Variants in PHF21B observed in about 807,000 individuals in gnomAD.
The protein encoded by PHF21B is PHD finger protein 4.
A neutral mutation model predicts 62.2 loss-of-function variants in PHF21B; 22 were observed. That is an observed-to-expected ratio of 0.35 (90% CI 0.25 to 0.51). PHF21B has a LOEUF of 0.51. Among genes scored for constraint, PHF21B ranks in the 20% least tolerant of loss-of-function variants. PHF21B has a pLI of 0.97. For missense variants in PHF21B, 701 were observed against 707.9 expected (o/e 0.99, Z 0.11); for synonymous variants, 341 against 314.7 (o/e 1.08, Z -0.88).
intron 2 of PHF21B, among the ~76,000 whole-genome samples, chr22:44,923,044 A>G (rs2071565405): frequency 6.6e-6 from 1 of 152,122 alleles, no homozygotes; most frequent in Non-Finnish European, 1.5e-5. Context: ...AAAAATAACA[A>G]CCAAACAAAG....
chr22:44,946,495 T>C (rs16993191), intron 2 of PHF21B, among the ~76,000 whole-genome samples: 10,382 of 151,948 alleles, frequency 0.068, 412 homozygotes, highest in Middle Eastern at 0.14. Context: ...CGGAAAGTCC[T>C]GTTATTATGG....
At chr22:44,920,049 A>G (rs2071506963) in intron 3 of PHF21B, among the ~76,000 whole-genome samples, 1 of 108,254 alleles carries the variant, frequency 9.2e-6, no homozygotes, top group South Asian at 2.9e-4. Context: ...TCAAAAATAC[A>G]CACGACGGAG....
intron 2 of PHF21B, among the ~76,000 whole-genome samples, chr22:44,980,219 G>C (rs995597646): frequency 1.3e-5 from 2 of 152,148 alleles, no homozygotes; most frequent in Non-Finnish European, 2.9e-5. Flanking sequence ...AGGAGCACTG[G>C]TTTCTTTCTG....
intron 2 of PHF21B, among the ~76,000 whole-genome samples, chr22:44,982,722 A>T (rs2072865349): frequency 6.6e-6 from 1 of 152,226 alleles, no homozygotes; most frequent in Admixed American, 6.5e-5. Flanking sequence ...AGGTTTACAG[A>T]GGGCATTTAA....
intron 2 of PHF21B, among the ~76,000 whole-genome samples, chr22:44,971,641 G>GCT (rs1004447020): frequency 1.3e-5 from 2 of 152,064 alleles, no homozygotes; most frequent in African/African-American, 2.4e-5. Context: ...CCCTTGGGCG[G>GCT]CTCTCTCTCT....
At chr22:44,974,691 G>A (rs908298269) in intron 2 of PHF21B, among the ~76,000 whole-genome samples, 1 of 152,166 alleles carries the variant, frequency 6.6e-6, no homozygotes, top group South Asian at 2.1e-4. Flanking sequence ...ACCAGAAATT[G>A]GAGGAGAAAG....
intron 2 of PHF21B, among the ~76,000 whole-genome samples, chr22:44,979,677 C>T (rs539202647): frequency 2.6e-5 from 4 of 152,330 alleles, no homozygotes; most frequent in African/African-American, 9.6e-5. Flanking sequence ...CATTTACCGG[C>T]TGTGTGTGCT....
At chr22:44,941,955 CCA>C (rs1262426393) in intron 2 of PHF21B, among the ~76,000 whole-genome samples, 1 of 152,202 alleles carries the variant, frequency 6.6e-6, no homozygotes, top group African/African-American at 2.4e-5. Flanking sequence ...ATCTGTGAGA[CCA>C]CAGAGATGCC....
intron 5 of PHF21B, among the ~76,000 whole-genome samples, chr22:44,903,305 C>CA (rs1221315516): frequency 5.3e-5 from 8 of 151,946 alleles, no homozygotes; most frequent in East Asian, 1.9e-4. Flanking sequence ...ACTTTTTCTG[C>CA]AGCCTGTGGC....
chr22:44,967,798 A>G (rs1015802588), intron 2 of PHF21B, among the ~76,000 whole-genome samples: 1 of 152,056 alleles, frequency 6.6e-6, no homozygotes, highest in African/African-American at 2.4e-5. Flanking sequence ...ACATTTCATC[A>G]TCGCTCTCCC....
intron 9 of PHF21B, 72 bp from the exon 10 acceptor site, chr22:44,888,193 G>A: frequency 7.2e-7 from 1 of 1,397,530 alleles, no homozygotes; most frequent in Non-Finnish European, 9.4e-7. Context: ...GCCAGGGCCA[G>A]GCCCAGGCAG....
intron 2 of PHF21B, among the ~76,000 whole-genome samples, chr22:44,927,371 T>C (rs1036765622): frequency 2.0e-5 from 3 of 152,108 alleles, no homozygotes; most frequent in Non-Finnish European, 4.4e-5. Flanking sequence ...TGGGGTGCCC[T>C]CAAGTATCCA....
intron 8 of PHF21B, among the ~76,000 whole-genome samples, chr22:44,890,970 C>T (rs1025375256): frequency 3.9e-5 from 6 of 152,346 alleles, no homozygotes; most frequent in African/African-American, 9.6e-5. Context: ...TATCAGAGGC[C>T]GCCCGCGTGT....
intron 2 of PHF21B, among the ~76,000 whole-genome samples, chr22:44,966,361 C>T (rs1258957280): frequency 6.6e-6 from 1 of 152,238 alleles, no homozygotes; most frequent in Non-Finnish European, 1.5e-5. Flanking sequence ...CAAGGTCACA[C>T]AATCTGCGTG....
chr22:44,925,287 C>G (rs951450278), intron 2 of PHF21B, among the ~76,000 whole-genome samples: 1 of 152,208 alleles, frequency 6.6e-6, no homozygotes, highest in South Asian at 2.1e-4. Flanking sequence ...CATTGTGTAT[C>G]ACTTATACCT....
intron 3 of PHF21B, 124 bp from the exon 4 acceptor site, chr22:44,916,754 G>A (rs765730498): frequency 8.6e-5 from 73 of 848,636 alleles, no homozygotes; most frequent in Admixed American, 3.4e-4. Context: ...AGAGCACAGC[G>A]CCTGTCACGG....
intron 3 of PHF21B, among the ~76,000 whole-genome samples, chr22:44,917,220 G>T (rs2071453929): frequency 1.3e-5 from 2 of 152,246 alleles, no homozygotes; most frequent in African/African-American, 4.8e-5. Context: ...TGGACAGACT[G>T]TTGGTTTGGG....
At chr22:44,986,578 G>C (rs2072953980) in intron 2 of PHF21B, among the ~76,000 whole-genome samples, 2 of 149,232 alleles carry the variant, frequency 1.3e-5, no homozygotes, top group South Asian at 4.3e-4. Flanking sequence ...AAGGCTCAGT[G>C]ACCCCCACAT....
At chr22:44,908,280 C>T (rs753611397) in intron 5 of PHF21B, among the ~76,000 whole-genome samples, 30 of 152,108 alleles carry the variant, frequency 2.0e-4, no homozygotes, top group Non-Finnish European at 2.9e-5. Flanking sequence ...GCCTCAGCGT[C>T]CCCATCTGTA....
Sources: allele counts gnomAD v4.1 joint callset (sites outside exome capture counted in the v4.1 genomes callset), GRCh38; gene constraint gnomAD v4.1.1; transcripts MANE v1.5; gene names NCBI Gene and HGNC (gene_info 2026-07-23, HGNC 2026-07-21).